WDR44: variants seen among roughly 807,000 people sequenced by gnomAD.
WDR44 encodes WD repeat domain 44.
In WDR44, 9 loss-of-function variants were observed where a neutral mutation model predicts 65.7. The ratio of observed to expected loss-of-function variants is 0.14; its 90% CI spans 0.08 to 0.24. The LOEUF is 0.24. Ranked by LOEUF, WDR44 falls within the 10% of genes least tolerant of loss-of-function variation. The pLI is 1.00. For synonymous variants in WDR44, 220 were observed against 235.2 expected, an observed-to-expected ratio of 0.94 and a Z score of 0.59; for missense variants, 425 against 670.9, an observed-to-expected ratio of 0.63 and a Z score of 4.05.
intron 7 of WDR44, 138 bp downstream of exon 7, chrX:118,397,244 T>A: frequency 2.1e-6 from 1 of 486,593 alleles, no homozygotes; most frequent in Non-Finnish European, 3.1e-6. Context: ...TTAGATAATG[T>A]ATGTATTCTT....
intron 14 of WDR44, among the ~76,000 whole-genome samples, chrX:118,437,098 A>T (rs749219981): frequency 1.4e-4 from 16 of 111,715 alleles, no homozygotes; most frequent in African/African-American, 4.9e-4. Flanking sequence ...GATGAGAGAT[A>T]TTGGAGATGG....
intron 2 of WDR44, chrX:118,386,447 A>G (rs778901514): frequency 2.9e-6 from 1 of 348,270 alleles, no homozygotes; most frequent in Admixed American, 3.6e-5. Flanking sequence ...GTATACGTAG[A>G]TATATATGTA....
intron 14 of WDR44, among the ~76,000 whole-genome samples, chrX:118,437,437 C>T (rs1037587274): frequency 1.3e-4 from 14 of 111,615 alleles, no homozygotes; most frequent in Non-Finnish European, 1.9e-4. Context: ...AAATTAGTTA[C>T]AGATTTTTGC....
chrX:118,433,940 A>T, intron 13 of WDR44, among the ~76,000 whole-genome samples: 1 of 75,631 alleles, frequency 1.3e-5, no homozygotes, highest in East Asian at 5.1e-4. Flanking sequence ...CTTATCAAGG[A>T]TTTAAAACCA....
intron 3 of WDR44, among the ~76,000 whole-genome samples, chrX:118,392,355 G>T (rs2056827474): frequency 8.9e-6 from 1 of 111,767 alleles, no homozygotes. Flanking sequence ...CTATTATGAG[G>T]GTTAAGAGTA....
intron 14 of WDR44, among the ~76,000 whole-genome samples, chrX:118,440,395 G>C (rs1391706674): frequency 9.0e-6 from 1 of 110,977 alleles, no homozygotes; most frequent in Non-Finnish European, 1.9e-5. Context: ...TGCAAGGTCA[G>C]ATTGCCGCAG....
intron 12 of WDR44, among the ~76,000 whole-genome samples, chrX:118,416,522 G>T (rs890760163): frequency 6.3e-5 from 7 of 111,489 alleles, no homozygotes; most frequent in Non-Finnish European, 1.3e-4. Context: ...TTCATTTCCA[G>T]TTTTATTCCA....
intron 17 of WDR44, among the ~76,000 whole-genome samples, chrX:118,443,019 C>T (rs2057315724): frequency 9.0e-6 from 1 of 111,152 alleles, no homozygotes; most frequent in Non-Finnish European, 1.9e-5. Flanking sequence ...CCGCCACTCC[C>T]CTCCCTGCCC....
At chrX:118,360,655 C>T (rs957099540) in intron 1 of WDR44, among the ~76,000 whole-genome samples, 1 of 112,109 alleles carries the variant, frequency 8.9e-6, no homozygotes, top group African/African-American at 3.2e-5. Flanking sequence ...ACCCTGTTCA[C>T]CTCAAGGACC....
chrX:118,438,797 G>GTTTTTTT (rs1213083479), intron 14 of WDR44, among the ~76,000 whole-genome samples: 2 of 64,071 alleles, frequency 3.1e-5, no homozygotes, highest in East Asian at 6.3e-4. Flanking sequence ...GTTCAGCCAT[G>GTTTTTTT]TTTTTTTTTT....
intron 13 of WDR44, 40 bp downstream of exon 13, chrX:118,432,934 A>G: frequency 2.7e-6 from 3 of 1,105,278 alleles, no homozygotes; most frequent in Non-Finnish European, 3.7e-6. Context: ...AATTCTGCGT[A>G]TAAGGAGCTG....
At chrX:118,424,323 G>GTGTGTGTATATATATATATA (rs1289349202) in intron 12 of WDR44, among the ~76,000 whole-genome samples, 16 of 65,552 alleles carry the variant, frequency 2.4e-4, no homozygotes, top group African/African-American at 1.5e-3. Context: ...GTGTGTGTGT[G>GTGTGTGTATATATATATATA]TATATATATA....
intron 3 of WDR44, 79 bp downstream of exon 3, chrX:118,387,493 CT>C: frequency 1.4e-6 from 1 of 714,670 alleles, no homozygotes; most frequent in Non-Finnish European, 2.0e-6. Flanking sequence ...CTTTTATATT[CT>C]TTTAGTATAG....
chrX:118,438,104 G>A (rs113812768), intron 14 of WDR44, among the ~76,000 whole-genome samples: 14 of 111,579 alleles, frequency 1.3e-4, no homozygotes, highest in Non-Finnish European at 2.4e-4. Context: ...CGCACTTTGG[G>A]AGGCTGAGGT....
intron 9 of WDR44, 144 bp from the exon 10 acceptor site, chrX:118,406,731 C>G: frequency 1.9e-6 from 1 of 522,471 alleles, no homozygotes; most frequent in East Asian, 3.9e-5. Context: ...GCATTAGACT[C>G]CATGTTTTTA....
At chrX:118,348,323 A>G (rs2056371803) in intron 1 of WDR44, among the ~76,000 whole-genome samples, 1 of 112,313 alleles carries the variant, frequency 8.9e-6, no homozygotes, top group Non-Finnish European at 1.9e-5. Flanking sequence ...TATTTTACTT[A>G]TCTAAACCGG....
chrX:118,415,747 G>A (rs1023481719), intron 12 of WDR44, among the ~76,000 whole-genome samples: 3 of 111,746 alleles, frequency 2.7e-5, no homozygotes, highest in Non-Finnish European at 5.6e-5. Flanking sequence ...CAGGTGATCC[G>A]CCTGCCTCGG....
At chrX:118,426,526 A>T (rs934048607) in intron 12 of WDR44, among the ~76,000 whole-genome samples, 2 of 110,448 alleles carry the variant, frequency 1.8e-5, no homozygotes, top group African/African-American at 3.3e-5. Flanking sequence ...ACAAAGAGAG[A>T]CCCTGTCTCT....
chrX:118,360,853 A>G (rs1336520508), intron 1 of WDR44, among the ~76,000 whole-genome samples: 1 of 112,055 alleles, frequency 8.9e-6, no homozygotes, highest in Non-Finnish European at 1.9e-5. Context: ...CTTTCATGTA[A>G]GAAAAATGTT....
Sources: allele counts gnomAD v4.1 joint callset (sites outside exome capture counted in the v4.1 genomes callset), GRCh38; gene constraint gnomAD v4.1.1; transcripts MANE v1.5; gene names NCBI Gene and HGNC (gene_info 2026-07-23, HGNC 2026-07-21).